The following BOD1L1 variants were observed in gnomAD, a reference collection of about 807,000 sequenced individuals.
The protein encoded by BOD1L1 is biorientation of chromosomes in cell division 1 like 1.
Under a neutral mutation model 240.7 loss-of-function variants are expected in BOD1L1, and 86 were observed. That is an observed-to-expected ratio of 0.36 (90% confidence interval 0.30 to 0.43). BOD1L1 has a LOEUF of 0.43. Ranked by LOEUF, BOD1L1 falls within the 20% of genes least tolerant of loss-of-function variation. The pLI is 1.00. For synonymous variants in BOD1L1, 1,268 were observed against 1,272.3 expected (o/e 1.00, Z 0.07); for missense variants, 3,554 against 3,643.5 (o/e 0.98, Z 0.63).
At chr4:13,591,886 A>T in intron 13 of BOD1L1, 37 bp downstream of exon 13, 1 of 1,489,426 alleles carries the variant, frequency 6.7e-7, no homozygotes, top group East Asian at 2.4e-5. Flanking sequence ...TAAAAAACCC[A>T]ATAACCACAA....
Position 13,569,194 on chromosome 4 carries a change from A to G in BOD1L1, c.*817T>C, listed in dbSNP as rs941930624. 1 of 152,244 alleles carries G rather than the reference A, an allele frequency of 6.6e-6. No homozygotes were observed. Among genetic ancestry groups the G allele is most frequent in the African/African-American group, 2.4e-5 (1 of 41,462 alleles). 9.4% of individuals were successfully genotyped at this position (152,244 alleles called of 1,614,324 possible). On this transcript the variant is annotated 3_prime_UTR_variant, in exon 26 of 26. Transcript: ENST00000040738. ...GGTAGAAGCTTCAGAACAGCACAGA[A>G]GAGGAATGAACACAGAGAAGAGGAA...
chr4:13,590,486 C>A, intron 13 of BOD1L1, 40 bp from the exon 14 acceptor site: 1 of 1,089,976 alleles, frequency 9.2e-7, no homozygotes, highest in South Asian at 1.7e-5. Flanking sequence ...GATAGTCTCA[C>A]AAAAATTTAA....
chr4:13,585,572 A>AAT (rs1369589701), intron 17 of BOD1L1, among the ~76,000 whole-genome samples: 1 of 152,132 alleles, frequency 6.6e-6, no homozygotes, highest in East Asian at 1.9e-4. Flanking sequence ...ATAAGATGAA[A>AAT]ATAAAACCAT....
chr4:13,576,273 C>T (rs190620706), intron 25 of BOD1L1, among the ~76,000 whole-genome samples: 1 of 152,248 alleles, frequency 6.6e-6, no homozygotes, highest in African/African-American at 2.4e-5. Context: ...ATGACATTCC[C>T]AAACTCATCT....
In BOD1L1 at chr4:13,627,505, G is replaced by C; in HGVS notation, c.83C>G (p.Pro28Arg). Reference sequence around the variant, plus strand: ...GGGGCCAGCCCCGGGGCCCGGCGGCGGCGGCGGTGGCTGCGGCTGCGGCTG... The same window carrying C: ...GGGGCCAGCCCCGGGGCCCGGCGGCCGCGGCGGTGGCTGCGGCTGCGGCTG... ...PPQPQPQPPP[P>R]PPGPGAGPGA... The change falls in exon 1 of 26, where the codon CCG (proline) becomes CGG (arginine). Residue 28 changes from proline to arginine, a missense_variant. Physicochemically the swap from Pro to Arg is moderately radical, Grantham distance 103. Around this residue, in one of 2 missense-constraint regions of BOD1L1, gnomAD observed 161 missense variants for 216.4 expected, o/e 0.74. Transcript: ENST00000040738. 1 of 1,015,284 alleles carries C rather than the reference G, an allele frequency of 9.8e-7. No individual in the cohort carries two copies. The highest frequency in any genetic ancestry group is 1.2e-6 in the Non-Finnish European group (1 of 850,128). The allele number at this position is 1,015,284 out of a possible 1,614,324, so 62.9% of individuals were successfully genotyped here.
intron 2 of BOD1L1, 72 bp from the exon 3 acceptor site, chr4:13,615,574 A>C: frequency 7.5e-7 from 1 of 1,337,496 alleles, no homozygotes; most frequent in Non-Finnish European, 1.0e-6. Context: ...TTAAAATAAC[A>C]CTCTACAATC....
rs142382506 is a variant in BOD1L1, at chr4:13,605,169, T to C, written c.1816-85A>G. The C allele has an allele frequency of 9.5e-3, 11,300 of 1,186,710 alleles. 82 individuals carry two copies. Among genetic ancestry groups the C allele is most frequent in the Middle Eastern group, 0.013 (61 of 4,762 alleles). The allele number at this position is 1,186,710 out of a possible 1,614,324, so 73.5% of individuals were successfully genotyped here. On this transcript the variant is annotated intron_variant, in intron 9 of 25. Transcript: ENST00000040738. Reference sequence around the variant, plus strand: ...ATAACATTTGGGTGGATTTAATATGTTGAGTGCTGTCACATATGTAACATC... The same window carrying C: ...ATAACATTTGGGTGGATTTAATATGCTGAGTGCTGTCACATATGTAACATC...
rs138527420 is a variant in BOD1L1, at chr4:13,600,926, C to T, written c.5974G>A (p.Glu1992Lys). The T allele has an allele frequency of 2.6e-4, 427 of 1,613,976 alleles. 1 individual carries two copies. The highest frequency in any genetic ancestry group is 4.7e-4 in the Admixed American group (28 of 60,026). ...GAAATAGTGGTATCTTCAACTTTTT[C>T]GAGCTGACTGTCACTTTGATCAGAT... ...AASDQSDSQL[E>K]KVEDTTISTG... Residue 1992 changes from glutamate (E) to lysine (K), a missense_variant, in exon 10 of 26, where the codon GAA becomes AAA. By Grantham distance (56) the Glu-to-Lys change is moderately conservative. Around this residue, in one of 2 missense-constraint regions of BOD1L1, gnomAD observed 3,393 missense variants for 3,427.1 expected, o/e 0.99. Coordinates refer to ENST00000040738, the MANE Select transcript of BOD1L1 (RefSeq NM_148894.3).
In BOD1L1 at chr4:13,603,843, G is replaced by A. The variant is rs1560205234; in HGVS notation, c.3057C>T (p.Gly1019=). The A allele has an allele frequency of 6.8e-6, 11 of 1,612,952 alleles. No homozygotes were observed. The highest frequency in any genetic ancestry group is 1.1e-5 in the South Asian group (1 of 91,072). The change falls in exon 10 of 26, where the codon GGC becomes GGT. Residue 1019 remains glycine (G), a synonymous_variant. Coordinates refer to ENST00000040738, the MANE Select transcript of BOD1L1 (RefSeq NM_148894.3). ...TATGCTTTAAGCTTCTGCTTTTGTG[G>A]CCATCTGACAACTTTCTCTCAAGCC... The part of the protein sequence containing the change: ...STRLERKLSD[G]HKSRSLKHSS...
chr4:13,614,256 A>G lies in BOD1L1; in HGVS notation c.1114T>C (p.Leu372=). The part of the protein sequence containing the change: ...KQAKEKEVES[L]KLPSEKNSNK... Reference sequence around the variant, plus strand: ...CTGTTCTTTTCTGAAGGAAGTTTTAAACTCTCTACTTCTTTTTCCTTTGCT... The same window carrying G: ...CTGTTCTTTTCTGAAGGAAGTTTTAGACTCTCTACTTCTTTTTCCTTTGCT... Residue 372 remains leucine, a synonymous_variant, in exon 4 of 26, where the codon TTA becomes CTA. Coordinates refer to ENST00000040738, the MANE Select transcript of BOD1L1 (RefSeq NM_148894.3). 6.5e-7 allele frequency: 1 copy of G among 1,539,660 alleles called. No individual in the cohort carries two copies. The highest frequency in any genetic ancestry group is 2.4e-5 in the East Asian group (1 of 40,834).
intron 12 of BOD1L1, among the ~76,000 whole-genome samples, chr4:13,594,002 A>G (rs1714416793): frequency 6.6e-6 from 1 of 152,236 alleles, no homozygotes; most frequent in Non-Finnish European, 1.5e-5. Context: ...AGGAATGGTA[A>G]GCCAAAGCTA....
At chr4:13,616,030 A>C (rs1394308847) in intron 2 of BOD1L1, among the ~76,000 whole-genome samples, 1 of 152,192 alleles carries the variant, frequency 6.6e-6, no homozygotes, top group Non-Finnish European at 1.5e-5. Flanking sequence ...TAGAGAAAAA[A>C]ATTTGGAGAA....
At position 13,627,423 on chromosome 4, in the gene BOD1L1, G is replaced by A; in HGVS notation, c.165C>T (p.Ala55=). ...GGCTCTTGAGGTGGTTCACGATCATGGCCACGAGCTGCGGGTCCCCGGCGC... is the reference window on the plus strand; with the variant it reads ...GGCTCTTGAGGTGGTTCACGATCATAGCCACGAGCTGCGGGTCCCCGGCGC... ...GAGAGDPQLV[A]MIVNHLKSQG... Residue 55 remains alanine, a synonymous_variant, in exon 1 of 26, where the codon GCC becomes GCT. Coordinates refer to ENST00000040738, the MANE Select transcript of BOD1L1 (RefSeq NM_148894.3). 7.3e-7 allele frequency: 1 copy of A among 1,370,274 alleles called. No homozygotes were observed. Among genetic ancestry groups the A allele is most frequent in the South Asian group, 1.9e-5 (1 of 52,914 alleles). 84.9% of individuals were successfully genotyped at this position (1,370,274 alleles called of 1,614,324 possible).
rs1352123906 is a variant in BOD1L1, at chr4:13,570,048, C to T, written c.9119G>A (p.Arg3040Lys). Reference sequence around the variant, plus strand: ...TTTTTTCACAGGGGCTTCCTCCACCCTTTGCTGGCCTCTTGTTCGGGCCCC... The same window carrying T: ...TTTTTTCACAGGGGCTTCCTCCACCTTTTGCTGGCCTCTTGTTCGGGCCCC... ...PPGARTRGQQ[R>K]VEEAPVKKAK... The change falls in exon 26 of 26, where the codon AGG (arginine) becomes AAG (lysine). Residue 3040 changes from arginine (R) to lysine (K), a missense_variant. By Grantham distance (26) the Arg-to-Lys change is conservative (BLOSUM62 2). Around this residue, in one of 2 missense-constraint regions of BOD1L1, gnomAD observed 3,393 missense variants for 3,427.1 expected, o/e 0.99. Transcript: ENST00000040738. The T allele has an allele frequency of 1.2e-6, 2 of 1,606,328 alleles. No homozygotes were observed.
Position 13,579,984 on chromosome 4 carries a change from A to G in BOD1L1, c.8704-11T>C. On this transcript the variant is annotated splice_polypyrimidine_tract_variant and intron_variant, in intron 21 of 25. Transcript: ENST00000040738. The stretch of plus-strand genomic sequence containing the variant: ...TGGAGATTGTTCTACCTATGTTTAA[A>G]TAAACAAACAAAAAAAAATTTTAAA... The G allele has an allele frequency of 1.9e-6, 3 of 1,548,298 alleles. No individual in the cohort carries two copies. Among genetic ancestry groups the G allele is most frequent in the Non-Finnish European group, 2.6e-6 (3 of 1,143,252 alleles).
chr4:13,581,994 C>T (rs1000097589), intron 19 of BOD1L1, among the ~76,000 whole-genome samples: 4 of 152,090 alleles, frequency 2.6e-5, no homozygotes, highest in Middle Eastern at 3.2e-3. Context: ...TAAGCTGATC[C>T]TATCTGGCTA....
intron 25 of BOD1L1, 127 bp from the exon 26 acceptor site, chr4:13,570,255 T>C: frequency 1.6e-6 from 1 of 621,848 alleles, no homozygotes. Context: ...CAGTAACATT[T>C]ATACATGAAA....
rs1489035143 is a variant in BOD1L1 at position 13,599,003 on chromosome 4, G to A, written c.7897C>T (p.Pro2633Ser). The A allele has an allele frequency of 1.2e-6, 2 of 1,613,536 alleles. No homozygotes were observed. Among genetic ancestry groups the A allele is most frequent in the Non-Finnish European group, 1.7e-6 (2 of 1,179,708 alleles). ...GDDNSTRKSF[P>S]EEGDIMVTVS... ...GTAACCATTATGTCTCCTTCCTCAG[G>A]GAATGATTTCCTTGTGCTGTTATCA... is the stretch of plus-strand genomic sequence containing the variant. The change falls in exon 10 of 26, where the codon CCT (proline) becomes TCT (serine). Residue 2633 changes from proline to serine, a missense_variant. By Grantham distance (74) the Pro-to-Ser change is moderately conservative (BLOSUM62 -1). Around this residue, in one of 2 missense-constraint regions of BOD1L1, gnomAD observed 3,393 missense variants for 3,427.1 expected, o/e 0.99. Coordinates refer to ENST00000040738, the MANE Select transcript of BOD1L1 (RefSeq NM_148894.3).
At chr4:13,591,493 C>G (rs1301180885) in intron 13 of BOD1L1, among the ~76,000 whole-genome samples, 2 of 152,060 alleles carry the variant, frequency 1.3e-5, no homozygotes, top group African/African-American at 4.8e-5. Flanking sequence ...AAGACTCTTT[C>G]AAGAATGAAC....
Sources: allele counts gnomAD v4.1 joint callset (sites outside exome capture counted in the v4.1 genomes callset), GRCh38; gene constraint gnomAD v4.1.1; regional missense constraint gnomAD v4.1.1; transcripts MANE v1.5; gene names NCBI Gene and HGNC (gene_info 2026-07-23, HGNC 2026-07-21).